Variants in ZFPM2 observed in about 807,000 individuals in gnomAD.
ZFPM2 encodes zinc finger protein, FOG family member 2.
In ZFPM2, 20 loss-of-function variants were observed where a neutral mutation model predicts 98.6. That is an observed-to-expected ratio of 0.20 (90% confidence interval 0.14 to 0.29). The LOEUF is 0.29. Ranked by LOEUF, ZFPM2 falls within the 10% of genes least tolerant of loss-of-function variation. The probability of loss-of-function intolerance (pLI) is 1.00; values close to 1 mark genes in which losing one functional copy is unlikely to be tolerated. For missense variants in ZFPM2, 1,310 were observed against 1,388.6 expected, an observed-to-expected ratio of 0.94 and a Z score of 0.90; for synonymous variants, 518 against 502.7, an observed-to-expected ratio of 1.03 and a Z score of -0.41.
chr8:105,669,615 T>C (rs1362946857), intron 5 of ZFPM2, among the ~76,000 whole-genome samples: 2 of 151,998 alleles, frequency 1.3e-5, no homozygotes, highest in Non-Finnish European at 2.9e-5. Flanking sequence ...ATTGTATTTA[T>C]ATTTAGATCC....
intron 1 of ZFPM2, among the ~76,000 whole-genome samples, chr8:105,355,505 C>T (rs958780106): frequency 6.6e-6 from 1 of 152,148 alleles, no homozygotes; most frequent in Non-Finnish European, 1.5e-5. Context: ...TGTACCTTAA[C>T]ATTTTACAGT....
At chr8:105,523,641 A>AC (rs1417219935) in intron 3 of ZFPM2, among the ~76,000 whole-genome samples, 2 of 151,924 alleles carry the variant, frequency 1.3e-5, no homozygotes, top group Non-Finnish European at 2.9e-5. Flanking sequence ...CAATTACTGC[A>AC]CCCCCCTACC....
At chr8:105,465,021 G>C (rs1220894637) in intron 3 of ZFPM2, among the ~76,000 whole-genome samples, 5 of 151,002 alleles carry the variant, frequency 3.3e-5, no homozygotes, top group Admixed American at 2.7e-4. Context: ...CTGTATCGTA[G>C]TTGTCAGTGG....
chr8:105,714,356 A>C (rs1168800936), intron 5 of ZFPM2, among the ~76,000 whole-genome samples: 2 of 151,984 alleles, frequency 1.3e-5, no homozygotes, highest in African/African-American at 4.8e-5. Context: ...CAGATGTAGG[A>C]ACCTTTTGGC....
intron 3 of ZFPM2, among the ~76,000 whole-genome samples, chr8:105,503,384 T>TTACAGATCA (rs1203235005): frequency 1.3e-5 from 2 of 152,186 alleles, no homozygotes; most frequent in African/African-American, 4.8e-5. Context: ...AACATTTAGT[T>TTACAGATCA]TACAGATCAT....
chr8:105,712,713 C>G (rs1415426065), intron 5 of ZFPM2, among the ~76,000 whole-genome samples: 1 of 152,052 alleles, frequency 6.6e-6, no homozygotes, highest in Non-Finnish European at 1.5e-5. Flanking sequence ...TTTCCCTGCA[C>G]TCTCCTTTTG....
intron 5 of ZFPM2, among the ~76,000 whole-genome samples, chr8:105,719,979 T>C (rs1169247256): frequency 6.6e-6 from 1 of 151,914 alleles, no homozygotes; most frequent in Non-Finnish European, 1.5e-5. Flanking sequence ...TGGTATCAAG[T>C]TTAAATGATT....
At chr8:105,535,125 C>T (rs1814422748) in intron 3 of ZFPM2, among the ~76,000 whole-genome samples, 1 of 152,150 alleles carries the variant, frequency 6.6e-6, no homozygotes, top group Admixed American at 6.6e-5. Context: ...TTCCAAATGT[C>T]TTTGCCATTG....
chr8:105,339,281 T>C (rs1470782792), intron 1 of ZFPM2, among the ~76,000 whole-genome samples: 1 of 151,826 alleles, frequency 6.6e-6, no homozygotes, highest in Non-Finnish European at 1.5e-5. Flanking sequence ...CCATCTTTTT[T>C]TGCTAGGGAG....
At chr8:105,754,817 C>G (rs1812559120) in intron 5 of ZFPM2, among the ~76,000 whole-genome samples, 1 of 151,888 alleles carries the variant, frequency 6.6e-6, no homozygotes, top group Non-Finnish European at 1.5e-5. Context: ...GCAAAATTGG[C>G]CCAAGCTGTA....
chr8:105,639,984 A>G (rs1014366655), intron 5 of ZFPM2, among the ~76,000 whole-genome samples: 16 of 152,016 alleles, frequency 1.1e-4, no homozygotes, highest in African/African-American at 4.8e-5. Context: ...TGATGATATT[A>G]TTAATACTAA....
At chr8:105,689,185 A>G (rs1334762181) in intron 5 of ZFPM2, among the ~76,000 whole-genome samples, 1 of 152,038 alleles carries the variant, frequency 6.6e-6, no homozygotes, top group Non-Finnish European at 1.5e-5. Flanking sequence ...TTCTGTAACC[A>G]CCTCAACCAA....
At chr8:105,669,780 G>T (rs1257046075) in intron 5 of ZFPM2, among the ~76,000 whole-genome samples, 1 of 152,084 alleles carries the variant, frequency 6.6e-6, no homozygotes, top group African/African-American at 2.4e-5. Flanking sequence ...AAGCAACTCC[G>T]ACTACAGCTA....
chr8:105,430,677 C>T (rs558938024), intron 2 of ZFPM2, among the ~76,000 whole-genome samples: 3 of 152,208 alleles, frequency 2.0e-5, no homozygotes, highest in African/African-American at 4.8e-5. Flanking sequence ...TGTTGGAAGA[C>T]CTTGTAGTAA....
chr8:105,786,356 A>G (rs751984832), intron 5 of ZFPM2, among the ~76,000 whole-genome samples: 5 of 152,190 alleles, frequency 3.3e-5, no homozygotes, highest in Non-Finnish European at 7.3e-5. Flanking sequence ...ATTGTAATAT[A>G]TTTGCATATA....
chr8:105,581,822 C>T (rs573617386), intron 4 of ZFPM2, among the ~76,000 whole-genome samples: 1 of 152,284 alleles, frequency 6.6e-6, no homozygotes, highest in African/African-American at 2.4e-5. Flanking sequence ...CCCCCATCAG[C>T]CCTGCTCTTT....
intron 3 of ZFPM2, among the ~76,000 whole-genome samples, chr8:105,555,612 T>G (rs1296334244): frequency 2.0e-5 from 3 of 152,138 alleles, no homozygotes; most frequent in Non-Finnish European, 2.9e-5. Context: ...TTAAAGAAAT[T>G]TGTAGATTAA....
chr8:105,384,131 C>T (rs1466725973), intron 1 of ZFPM2, among the ~76,000 whole-genome samples: 1 of 152,140 alleles, frequency 6.6e-6, no homozygotes, highest in Non-Finnish European at 1.5e-5. Context: ...GACACCTTGA[C>T]TCCTCCATTC....
chr8:105,379,785 G>A (rs73300176), intron 1 of ZFPM2, among the ~76,000 whole-genome samples: 12,242 of 150,414 alleles, frequency 0.081, 1,662 homozygotes, highest in African/African-American at 0.28. Flanking sequence ...TACATTGACT[G>A]TAAGAACCAA....
Sources: gnomAD v4.1 joint callset for allele counts (sites outside exome capture counted in the v4.1 genomes callset) on GRCh38, gnomAD v4.1.1 for gene constraint, MANE v1.5 for transcripts, NCBI Gene and HGNC (gene_info 2026-07-23, HGNC 2026-07-21) for gene names.